Variants in ESRRB observed in about 807,000 individuals in gnomAD.
ESRRB encodes the protein estrogen related receptor beta.
Under a neutral mutation model 46.0 loss-of-function variants are expected in ESRRB, and 16 were observed. The ratio of observed to expected loss-of-function variants is 0.35; its 90% CI spans 0.24 to 0.53. The LOEUF (loss-of-function observed/expected upper bound fraction) is 0.53, where lower values mean the gene tolerates loss of function less well. Ranked by LOEUF, ESRRB falls within the 20% of genes least tolerant of loss-of-function variation. The pLI is 0.93. For synonymous variants in ESRRB, 246 were observed against 259.6 expected, an observed-to-expected ratio of 0.95 and a Z score of 0.50; for missense variants, 488 against 607.4, an observed-to-expected ratio of 0.80 and a Z score of 2.07.
intron 5 of ESRRB, among the ~76,000 whole-genome samples, chr14:76,484,790 G>A (rs1566612153): frequency 6.6e-6 from 1 of 152,228 alleles, no homozygotes; most frequent in Non-Finnish European, 1.5e-5. Context: ...GGCAGCCTGG[G>A]CTTTCATCTC....
chr14:76,418,678 G>A (rs1360828209), intron 1 of ESRRB, among the ~76,000 whole-genome samples: 1 of 152,098 alleles, frequency 6.6e-6, no homozygotes, highest in South Asian at 2.1e-4. Context: ...GCAGTGGAGC[G>A]ATCTCGGCTC....
intron 1 of ESRRB, among the ~76,000 whole-genome samples, chr14:76,341,900 AG>A (rs1193780606): frequency 2.0e-5 from 3 of 152,356 alleles, no homozygotes; most frequent in Admixed American, 1.3e-4. Context: ...CCAGGCTGGC[AG>A]CGTAAAACCT....
At chr14:76,493,171 T>C (rs1358310957) in intron 6 of ESRRB, among the ~76,000 whole-genome samples, 1 of 152,164 alleles carries the variant, frequency 6.6e-6, no homozygotes, top group Non-Finnish European at 1.5e-5. Flanking sequence ...TTATTTTTTT[T>C]TGAGACAGAG....
chr14:76,400,469 G>T (rs1164479028), intron 1 of ESRRB, among the ~76,000 whole-genome samples: 2 of 152,246 alleles, frequency 1.3e-5, no homozygotes, highest in African/African-American at 4.8e-5. Flanking sequence ...GTCTGTCCCT[G>T]ATTCTCAGGT....
At chr14:76,318,762 C>A (rs79564077) in intron 1 of ESRRB, among the ~76,000 whole-genome samples, 10,043 of 152,258 alleles carry the variant, frequency 0.066, 485 homozygotes, top group Admixed American at 0.09. Flanking sequence ...CTGTTATCAT[C>A]ATTTTGCAGG....
Position 76,500,417 on chromosome 14 carries a change from C to T in ESRRB, c.*1959C>T. 1.7e-6 allele frequency: 1 copy of T among 589,626 alleles called. No homozygotes were observed. The highest frequency in any genetic ancestry group is 2.8e-5 in the East Asian group (1 of 35,802). 36.5% of individuals were successfully genotyped at this position (589,626 alleles called of 1,614,324 possible). A position where few individuals can be genotyped will look rare whatever the true frequency, so the allele number is the denominator to read the frequency against. ...CTTCCCTCATTTGGGTGGAGGCACACATTTGGGGCAAAGGCCCCTTCTTGG... is the reference window on the plus strand; with the variant it reads ...CTTCCCTCATTTGGGTGGAGGCACATATTTGGGGCAAAGGCCCCTTCTTGG... On this transcript the variant is annotated 3_prime_UTR_variant, in exon 7 of 7. Coordinates refer to ENST00000644823, the MANE Select transcript of ESRRB (RefSeq NM_001379180.1).
chr14:76,327,018 G>A (rs962327969), intron 1 of ESRRB, among the ~76,000 whole-genome samples: 1 of 152,258 alleles, frequency 6.6e-6, no homozygotes, highest in East Asian at 1.9e-4. Context: ...TGGGCCGGGT[G>A]ACCTCGCAGC....
intron 3 of ESRRB, among the ~76,000 whole-genome samples, chr14:76,476,927 T>C (rs1889607195): frequency 6.6e-6 from 1 of 152,178 alleles, no homozygotes; most frequent in African/African-American, 2.4e-5. Flanking sequence ...AGTCCTGCCA[T>C]GGACTTAACC....
intron 3 of ESRRB, among the ~76,000 whole-genome samples, chr14:76,478,051 A>C (rs1406319931): frequency 6.6e-6 from 1 of 152,196 alleles, no homozygotes; most frequent in African/African-American, 2.4e-5. Context: ...ATCATTATTC[A>C]TGTGATTTAC....
At chr14:76,415,114 C>G (rs938124315) in intron 1 of ESRRB, among the ~76,000 whole-genome samples, 5 of 152,124 alleles carry the variant, frequency 3.3e-5, no homozygotes, top group African/African-American at 1.2e-4. Flanking sequence ...CCTCTAGGAG[C>G]TAGTGGGGTG....
chr14:76,406,447 G>A (rs2139851010), intron 1 of ESRRB, among the ~76,000 whole-genome samples: 1 of 152,186 alleles, frequency 6.6e-6, no homozygotes, highest in Middle Eastern at 3.4e-3. Flanking sequence ...ATGTCACATT[G>A]GTTAAAACAG....
intron 1 of ESRRB, among the ~76,000 whole-genome samples, chr14:76,330,660 G>A (rs908665141): frequency 6.6e-5 from 10 of 152,254 alleles, no homozygotes; most frequent in African/African-American, 2.2e-4. Context: ...AGGGGGCTTC[G>A]GGAAGCTTTA....
chr14:76,467,111 G>C (rs1889149552), intron 3 of ESRRB, among the ~76,000 whole-genome samples: 1 of 152,156 alleles, frequency 6.6e-6, no homozygotes, highest in African/African-American at 2.4e-5. Context: ...CCAGGTCAAA[G>C]TGGGGACCTG....
At chr14:76,496,042 C>G (rs1038351554) in intron 6 of ESRRB, among the ~76,000 whole-genome samples, 1 of 152,174 alleles carries the variant, frequency 6.6e-6, no homozygotes, top group Admixed American at 6.5e-5. Context: ...GCAACCTGAC[C>G]TTTGTGAGTC....
chr14:76,460,940 A>G (rs1013778232), intron 2 of ESRRB, among the ~76,000 whole-genome samples: 7 of 151,926 alleles, frequency 4.6e-5, no homozygotes, highest in African/African-American at 1.7e-4. Context: ...TCCATACCTC[A>G]GGTGATCCAC....
At chr14:76,483,386 A>G (rs1273952050) in intron 5 of ESRRB, among the ~76,000 whole-genome samples, 1 of 152,188 alleles carries the variant, frequency 6.6e-6, no homozygotes, top group Non-Finnish European at 1.5e-5. Context: ...TTGCATGCCC[A>G]CTATTGCCAT....
upstream of ESRRB, among the ~76,000 whole-genome samples, chr14:76,368,217 CCCT>C (rs890748402): frequency 3.4e-4 from 51 of 150,912 alleles, no homozygotes; most frequent in African/African-American, 1.2e-3. Context: ...TTGTGATCTG[CCCT>C]CCTCAGCCTC....
chr14:76,389,895 A>G (rs547494801), intron 1 of ESRRB, among the ~76,000 whole-genome samples: 4 of 152,282 alleles, frequency 2.6e-5, no homozygotes, highest in African/African-American at 9.6e-5. Flanking sequence ...TTTACACCTA[A>G]TGTATGGTGG....
At chr14:76,357,484 G>A (rs1393156192) in intron 1 of ESRRB, among the ~76,000 whole-genome samples, 2 of 152,120 alleles carry the variant, frequency 1.3e-5, no homozygotes, top group African/African-American at 4.8e-5. Context: ...ACAATGTGGG[G>A]TCATTTTCTT....
Sources: gnomAD v4.1 joint callset for allele counts (sites outside exome capture counted in the v4.1 genomes callset) on GRCh38, gnomAD v4.1.1 for gene constraint, MANE v1.5 for transcripts, NCBI Gene and HGNC (gene_info 2026-07-23, HGNC 2026-07-21) for gene names.